Variants in ZNF746 observed in about 807,000 individuals in gnomAD.
The protein encoded by ZNF746 is zinc finger protein 746.
ZNF746 carries 13 observed loss-of-function variants against 41.0 expected under a neutral mutation model. The ratio of observed to expected loss-of-function variants is 0.32; its 90% CI spans 0.21 to 0.50. The LOEUF (loss-of-function observed/expected upper bound fraction) is 0.50, where lower values mean the gene tolerates loss of function less well. Among genes scored for constraint, ZNF746 ranks in the 20% least tolerant of loss-of-function variants. The pLI is 0.98. For synonymous variants in ZNF746, 424 were observed against 396.2 expected (o/e 1.07, Z -0.83); for missense variants, 811 against 922.9 (o/e 0.88, Z 1.57).
In ZNF746 at chr7:149,497,559, C is replaced by CTCT; in HGVS notation, c.-24_-23insAGA. 1 of 1,061,210 alleles carries CTCT rather than the reference C, an allele frequency of 9.4e-7. No individual in the cohort carries two copies. The highest frequency in any genetic ancestry group is 1.1e-6 in the Non-Finnish European group (1 of 882,276). The allele number at this position is 1,061,210 out of a possible 1,614,324, so 65.7% of individuals were successfully genotyped here. A position where few individuals can be genotyped will look rare whatever the true frequency, so the allele number is the denominator to read the frequency against. On this transcript the variant is annotated 5_prime_UTR_variant, in exon 1 of 7. Transcript: ENST00000458143. This position sits in a 1 kb window ranked among gnomAD's most constrained non-coding sequence, Gnocchi z 4.2. ...CATGGCCCTGCGCTGTCCCGCCCGG[C>CTCT]CCGGAGGAAGTCGTCGTCGCCGCCG...
At position 149,482,469 on chromosome 7, in the gene ZNF746, T is replaced by TG. The variant is rs1189830473; in HGVS notation, c.566-4715_566-4714insC. Among the ~76,000 whole-genome samples the TG allele has an allele frequency of 2.0e-5, 3 of 150,284 alleles. No individual in the cohort carries two copies. In the East Asian group the frequency reaches 5.8e-4, roughly 29 times the overall value. ...CAGGAAGATAAAGTAATTCTAAGGT[T>TG]TTTTTTTTTTTTTGAGATGGAGCCT... is the stretch of plus-strand genomic sequence containing the variant. On this transcript the variant is annotated intron_variant, in intron 4 of 6. Transcript: ENST00000458143.
intron 4 of ZNF746, among the ~76,000 whole-genome samples, chr7:149,480,525 C>T (rs1325240712): frequency 1.3e-5 from 2 of 152,070 alleles, no homozygotes; most frequent in African/African-American, 4.8e-5. Context: ...CTCTGCCTCC[C>T]GGGTTCAAGC....
rs538966504 is a variant in ZNF746, at chr7:149,478,072, A to T, written c.566-317T>A. Reference sequence around the variant, plus strand: ...GGGATGGCCTGCCCTCACTTGAAACACAAGAAATGCTGAACAAAAGTGAAC... The same window carrying T: ...GGGATGGCCTGCCCTCACTTGAAACTCAAGAAATGCTGAACAAAAGTGAAC... On this transcript the variant is annotated intron_variant, in intron 4 of 6. Transcript: ENST00000458143. Among the ~76,000 whole-genome samples the T allele has an allele frequency of 3.9e-5, 6 of 152,286 alleles. No individual in the cohort carries two copies. In the South Asian group the frequency reaches 1.2e-3, roughly 32 times the overall value.
Position 149,474,885 on chromosome 7 carries a change from G to A in ZNF746, c.1482C>T (p.Pro494=), listed in dbSNP as rs576818645. 450 of 1,516,478 alleles carry A rather than the reference G, an allele frequency of 3.0e-4. 1 individual carries two copies. In the African/African-American group the frequency reaches 3.1e-3, roughly 10 times the overall value. The allele number at this position is 1,516,478 out of a possible 1,614,324, so 93.9% of individuals were successfully genotyped here. A position where few individuals can be genotyped will look rare whatever the true frequency, so the allele number is the denominator to read the frequency against. The part of the protein sequence containing the change: ...LSAHQRSCGA[P]DGSGPGTGGG... ...CGCCTGTGCCCGGGCCCGACCCGTC[G>A]GGCGCCCCACAGCTGCGCTGGTGCG... Residue 494 remains proline, a synonymous_variant, in exon 7 of 7, where the codon CCC becomes CCT. Transcript: ENST00000458143. The surrounding 1 kb of genome is among the most constrained non-coding windows in gnomAD (Gnocchi z 6.3).
At chr7:149,477,090 C>A in intron 5 of ZNF746, 43 bp from the exon 6 acceptor site, 5 of 1,577,598 alleles carry the variant, frequency 3.2e-6, no homozygotes, top group Non-Finnish European at 4.3e-6. Flanking sequence ...AGGGGACGGA[C>A]GGGGAGGACA....
chr7:149,497,469 G>C lies in ZNF746; in HGVS notation c.24+44C>G, dbSNP rs1329654875. 1 of 1,083,020 alleles carries C rather than the reference G, an allele frequency of 9.2e-7. No homozygotes were observed. The allele number at this position is 1,083,020 out of a possible 1,614,324, so 67.1% of individuals were successfully genotyped here. On this transcript the variant is annotated intron_variant, in intron 1 of 6. Transcript: ENST00000458143. This position sits in a 1 kb window ranked among gnomAD's most constrained non-coding sequence, Gnocchi z 4.2. ...CCGTGTGCCGGGGCCGGGCCGCCTG[G>C]GGCCCCCAGGCCGCGAGTCCCTGCG...
chr7:149,475,482 T>G lies in ZNF746; in HGVS notation c.885A>C (p.Ala295=). 6.2e-7 allele frequency: 1 copy of G among 1,610,796 alleles called. No homozygotes were observed. Among genetic ancestry groups the G allele is most frequent in the Non-Finnish European group, 8.5e-7 (1 of 1,177,772 alleles). Reference sequence around the variant, plus strand: ...CTGTTTTTATTACAATTTTTACATCTGCTGAGAAAGACAGAAAGACAGATA... The same window carrying G: ...CTGTTTTTATTACAATTTTTACATCGGCTGAGAAAGACAGAAAGACAGATA... ...LKLNTAASTE[A]DVKIVIKTEV... The change falls in exon 7 of 7, where the codon GCA becomes GCC. Residue 295 remains alanine, a splice_region_variant and synonymous_variant. Coordinates refer to ENST00000458143, the MANE Select transcript of ZNF746 (RefSeq NM_001394198.1).
intron 4 of ZNF746, chr7:149,489,469 T>C (rs1470795202): frequency 1.3e-5 from 2 of 152,216 alleles, no homozygotes; most frequent in Non-Finnish European, 2.9e-5. Flanking sequence ...TGACACTGTC[T>C]AACACGGAAG....
At chr7:149,480,468 T>G (rs1800452707) in intron 4 of ZNF746, among the ~76,000 whole-genome samples, 1 of 152,202 alleles carries the variant, frequency 6.6e-6, no homozygotes, top group African/African-American at 2.4e-5. Flanking sequence ...AGTCTCGCTC[T>G]GTTGCCCAGG....
chr7:149,484,482 G>C (rs1048597459), intron 4 of ZNF746, among the ~76,000 whole-genome samples: 1 of 152,118 alleles, frequency 6.6e-6, no homozygotes, highest in Non-Finnish European at 1.5e-5. Flanking sequence ...AGTCATTACT[G>C]TTAGAAACAC....
chr7:149,491,804 G>A (rs1022759911), intron 4 of ZNF746: 1 of 693,002 alleles, frequency 1.4e-6, no homozygotes, highest in African/African-American at 1.8e-5. Context: ...GAGGAATCAG[G>A]GGTCGAGCCT....
chr7:149,492,582 C>T (rs3953481), intron 4 of ZNF746, among the ~76,000 whole-genome samples: 2 of 152,180 alleles, frequency 1.3e-5, no homozygotes, highest in Non-Finnish European at 2.9e-5. Context: ...TCCCTCTCAG[C>T]GTTCTCCTCT....
In ZNF746 at chr7:149,475,320, G is replaced by A; in HGVS notation, c.1047C>T (p.Gly349=). The A allele has an allele frequency of 6.2e-7, 1 of 1,614,054 alleles. No individual in the cohort carries two copies. Among genetic ancestry groups the A allele is most frequent in the South Asian group, 1.1e-5 (1 of 91,084 alleles). The part of the protein sequence containing the change: ...PAQEGAWESQ[G]SSFPSQDPVL... Reference sequence around the variant, plus strand: ...CAGGGTCCTGGCTGGGGAAGGAGCTGCCCTGGCTTTCCCAGGCTCCTTCCT... The same window carrying A: ...CAGGGTCCTGGCTGGGGAAGGAGCTACCCTGGCTTTCCCAGGCTCCTTCCT... Residue 349 remains glycine (G), a synonymous_variant, in exon 7 of 7, where the codon GGC becomes GGT. Coordinates refer to ENST00000458143, the MANE Select transcript of ZNF746 (RefSeq NM_001394198.1).
At chr7:149,480,249 T>C (rs577222405) in intron 4 of ZNF746, among the ~76,000 whole-genome samples, 10 of 152,254 alleles carry the variant, frequency 6.6e-5, no homozygotes, top group South Asian at 4.2e-4. Flanking sequence ...CTGGAGAATA[T>C]GACCAATGAC....
intron 1 of ZNF746, among the ~76,000 whole-genome samples, chr7:149,495,747 G>A (rs1324885101): frequency 6.6e-6 from 1 of 152,188 alleles, no homozygotes; most frequent in African/African-American, 2.4e-5. Flanking sequence ...GAGACAAAAG[G>A]AGAGTTTGAG....
At chr7:149,481,402 G>A (rs1428890341) in intron 4 of ZNF746, among the ~76,000 whole-genome samples, 4 of 152,156 alleles carry the variant, frequency 2.6e-5, no homozygotes, top group African/African-American at 7.2e-5. Context: ...CTAATACGAC[G>A]TAAATGCTAT....
intron 4 of ZNF746, among the ~76,000 whole-genome samples, chr7:149,484,948 C>G (rs1303283646): frequency 6.6e-6 from 1 of 151,740 alleles, no homozygotes. Context: ...AGAAAGAAAA[C>G]AAAAGAGGAA....
In ZNF746 at chr7:149,497,250, G is replaced by A. The variant is rs1801035356; in HGVS notation, c.24+263C>T. 2 of 984,588 alleles carry A rather than the reference G, an allele frequency of 2.0e-6. No individual in the cohort carries two copies. Among genetic ancestry groups the A allele is most frequent in the Non-Finnish European group, 2.4e-6 (2 of 829,230 alleles). The allele number at this position is 984,588 out of a possible 1,614,324, so 61.0% of individuals were successfully genotyped here. A position where few individuals can be genotyped will look rare whatever the true frequency, so the allele number is the denominator to read the frequency against. The stretch of plus-strand genomic sequence containing the variant: ...GGCTGGGGCGGGGGCAGGAAGCCCC[G>A]GAGGGCCCAAAGAACTTGGCGTGGG... On this transcript the variant is annotated intron_variant, in intron 1 of 6. Transcript: ENST00000458143. This position sits in a 1 kb window ranked among gnomAD's most constrained non-coding sequence, Gnocchi z 4.2.
chr7:149,490,454 T>C (rs1227818956), intron 4 of ZNF746: 1 of 152,204 alleles, frequency 6.6e-6, no homozygotes, highest in Non-Finnish European at 1.5e-5. Context: ...GTGGATACAA[T>C]GAACAAAACA....
Sources: gnomAD v4.1 joint callset for allele counts (sites outside exome capture counted in the v4.1 genomes callset) on GRCh38, gnomAD v4.1.1 for gene constraint, Gnocchi (gnomAD v3.1) non-coding constraint, MANE v1.5 for transcripts, NCBI Gene and HGNC (gene_info 2026-07-23, HGNC 2026-07-21) for gene names.